PPM1L: variants seen among roughly 807,000 people sequenced by gnomAD.
PPM1L encodes protein phosphatase, Mg2+/Mn2+ dependent 1L, also known as protein phosphatase 1L.
In PPM1L, 13 loss-of-function variants were observed where a neutral mutation model predicts 31.4. That is an observed-to-expected ratio of 0.41 (90% confidence interval 0.27 to 0.66). The LOEUF (loss-of-function observed/expected upper bound fraction) is 0.66, where lower values mean the gene tolerates loss of function less well. PPM1L is among the 30% of genes least tolerant of loss of function. The pLI, the probability that PPM1L is intolerant of heterozygous loss-of-function variation, is 0.29. For missense variants in PPM1L, 326 were observed against 453.7 expected, an observed-to-expected ratio of 0.72 and a Z score of 2.56; for synonymous variants, 184 against 175.4, an observed-to-expected ratio of 1.05 and a Z score of -0.39.
chr3:160,996,892 A>G (rs1394511590), intron 2 of PPM1L, among the ~76,000 whole-genome samples: 1 of 152,202 alleles, frequency 6.6e-6, no homozygotes, highest in Non-Finnish European at 1.5e-5. Context: ...AAGCCAAAAG[A>G]TGGTTGGATT....
chr3:160,987,157 G>A lies in PPM1L; in HGVS notation c.574+25247G>A, dbSNP rs182098056. On this transcript the variant is annotated intron_variant, in intron 2 of 3. Coordinates refer to ENST00000498165, the MANE Select transcript of PPM1L (RefSeq NM_139245.4). ...AATATCATGTACAAGTAGTGTAGCA[G>A]TGGGCCACAGGACTAGAAAGGTATG... 1.1e-3 allele frequency among the ~76,000 whole-genome samples: 162 copies of A among 152,346 alleles called. 1 individual carries two copies. The highest frequency in any genetic ancestry group is 0.01 in the Admixed American group (153 of 15,300).
At chr3:160,833,169 T>C (rs1049379650) in intron 1 of PPM1L, among the ~76,000 whole-genome samples, 6 of 152,248 alleles carry the variant, frequency 3.9e-5, no homozygotes, top group African/African-American at 1.4e-4. Flanking sequence ...CAGTCTATCA[T>C]TGGTGGACAT....
chr3:161,049,576 TCAAAAG>T (rs1719202947), intron 2 of PPM1L, among the ~76,000 whole-genome samples: 1 of 152,198 alleles, frequency 6.6e-6, no homozygotes, highest in South Asian at 2.1e-4. Context: ...CGTCTTCTAC[TCAAAAG>T]CAATCTGATA....
intron 2 of PPM1L, 73 bp from the exon 3 acceptor site, chr3:161,065,330 A>T: frequency 2.1e-6 from 3 of 1,460,130 alleles, no homozygotes; most frequent in Non-Finnish European, 2.8e-6. Context: ...TGAAGAATCC[A>T]GTTACCACAA....
intron 1 of PPM1L, among the ~76,000 whole-genome samples, chr3:160,945,425 C>T (rs1334471513): frequency 2.6e-5 from 4 of 152,048 alleles, no homozygotes; most frequent in Non-Finnish European, 5.9e-5. Flanking sequence ...GAGGTCTCAT[C>T]TCATGTGCTA....
At chr3:160,908,351 G>A (rs529017909) in intron 1 of PPM1L, among the ~76,000 whole-genome samples, 21 of 136,408 alleles carry the variant, frequency 1.5e-4, no homozygotes, top group South Asian at 4.5e-4. Context: ...ATGCATCCTC[G>A]TTACATTTGG....
intron 2 of PPM1L, among the ~76,000 whole-genome samples, chr3:160,988,332 T>G (rs1248349730): frequency 1.3e-5 from 2 of 152,202 alleles, no homozygotes; most frequent in Non-Finnish European, 2.9e-5. Flanking sequence ...ACCTTGTTCT[T>G]GAAATGAGAA....
chr3:160,919,591 C>T lies in PPM1L; in HGVS notation c.400-42145C>T, dbSNP rs1003685811. Among the ~76,000 whole-genome samples, 68 of 152,136 alleles carry T rather than the reference C, an allele frequency of 4.5e-4. 1 individual carries two copies. The highest frequency in any genetic ancestry group is 1.5e-3 in the African/African-American group (62 of 41,502). On this transcript the variant is annotated intron_variant, in intron 1 of 3. Transcript: ENST00000498165. ...GTTATGTATACAAAAGCTAAGAACG[C>T]GTAGCTTTTTTGTTAGTTTGTTTTA... is the stretch of plus-strand genomic sequence containing the variant.
rs150631681 is a variant in PPM1L, at chr3:161,078,819, T to G, written c.*9662T>G. ...TGTGTTCATGCTATCTCTGATCCTG[T>G]GGTGTTGTATAAAAATGAACAGCTA... On this transcript the variant is annotated 3_prime_UTR_variant, in exon 4 of 4. Coordinates refer to ENST00000498165, the MANE Select transcript of PPM1L (RefSeq NM_139245.4). 4.2e-3 allele frequency: 639 copies of G among 152,286 alleles called. 6 individuals are homozygous for G. The highest frequency in any genetic ancestry group is 0.015 in the African/African-American group (606 of 41,552). 9.4% of individuals were successfully genotyped at this position (152,286 alleles called of 1,614,324 possible).
chr3:161,009,500 A>T (rs1717819389), intron 2 of PPM1L, among the ~76,000 whole-genome samples: 1 of 152,232 alleles, frequency 6.6e-6, no homozygotes, highest in Non-Finnish European at 1.5e-5. Flanking sequence ...CATGTATAAG[A>T]ATCCCAGTCA....
intron 1 of PPM1L, among the ~76,000 whole-genome samples, chr3:160,854,828 T>C (rs1343828941): frequency 3.6e-5 from 5 of 139,824 alleles, no homozygotes; most frequent in African/African-American, 5.4e-5. Flanking sequence ...AAACTACCAA[T>C]GACATTGTTC....
At chr3:160,828,292 A>G (rs1467412629) in intron 1 of PPM1L, among the ~76,000 whole-genome samples, 9 of 152,014 alleles carry the variant, frequency 5.9e-5, no homozygotes, top group Admixed American at 5.9e-4. Context: ...GCTTGACCAT[A>G]TTTACCAAAC....
At chr3:160,878,005 C>T (rs760344302) in intron 1 of PPM1L, among the ~76,000 whole-genome samples, 3 of 152,190 alleles carry the variant, frequency 2.0e-5, no homozygotes, top group Non-Finnish European at 4.4e-5. Context: ...ACAGGCTGCT[C>T]TTTGTTAGAG....
chr3:161,046,110 CA>C (rs58794623), intron 2 of PPM1L, among the ~76,000 whole-genome samples: 12,534 of 49,230 alleles, frequency 0.25, 257 homozygotes, highest in Middle Eastern at 0.31. Context: ...GACTCTGTCT[CA>C]AAAAAAAAAA....
chr3:160,795,668 A>G (rs577395955), intron 1 of PPM1L, among the ~76,000 whole-genome samples: 1 of 152,322 alleles, frequency 6.6e-6, no homozygotes, highest in Non-Finnish European at 1.5e-5. Flanking sequence ...GTAACTTTAT[A>G]TGGCAAATTT....
At chr3:160,886,599 G>A (rs1839016) in intron 1 of PPM1L, among the ~76,000 whole-genome samples, 50,168 of 151,832 alleles carry the variant, frequency 0.33, 8,776 homozygotes, top group East Asian at 0.51. Flanking sequence ...CCAGCAAACC[G>A]CAGCAGCCCT....
chr3:160,766,518 C>G (rs1173293590), intron 1 of PPM1L, among the ~76,000 whole-genome samples: 1 of 152,134 alleles, frequency 6.6e-6, no homozygotes, highest in Non-Finnish European at 1.5e-5. Flanking sequence ...ACTTCTCATT[C>G]TCTCTCCTGC....
chr3:160,809,772 C>G lies in PPM1L; in HGVS notation c.399+53065C>G, dbSNP rs76919867. ...CCAATGCCACCTGCTTATCTGACTT[C>G]TGAATGTTATTTACTCCATCCTGTG... is the stretch of plus-strand genomic sequence containing the variant. On this transcript the variant is annotated intron_variant, in intron 1 of 3. Coordinates refer to ENST00000498165, the MANE Select transcript of PPM1L (RefSeq NM_139245.4). Among the ~76,000 whole-genome samples, 89 of 152,228 alleles carry G rather than the reference C, an allele frequency of 5.8e-4. No individual in the cohort carries two copies. The East Asian group carries it at 0.013, about 22-fold the overall frequency.
intron 2 of PPM1L, among the ~76,000 whole-genome samples, chr3:161,002,398 C>T (rs181666869): frequency 6.6e-6 from 1 of 152,136 alleles, no homozygotes; most frequent in Non-Finnish European, 1.5e-5. Flanking sequence ...ATCTAGATCC[C>T]TGAGGAATTG....
Sources: gnomAD v4.1 joint callset for allele counts (sites outside exome capture counted in the v4.1 genomes callset) on GRCh38, gnomAD v4.1.1 for gene constraint, MANE v1.5 for transcripts, NCBI Gene and HGNC (gene_info 2026-07-23, HGNC 2026-07-21) for gene names.